INPPL1: variants seen among roughly 807,000 people sequenced by gnomAD.
The protein encoded by INPPL1 is inositol polyphosphate phosphatase like 1, also known as phosphatidylinositol 3,4,5-trisphosphate 5-phosphatase 2.
INPPL1 carries 91 observed loss-of-function variants against 139.3 expected under a neutral mutation model. The observed-to-expected ratio is 0.65, with a 90% CI of 0.55 to 0.78. The LOEUF (loss-of-function observed/expected upper bound fraction) is 0.78. Among genes scored for constraint, INPPL1 ranks in the 30% least tolerant of loss-of-function variants. The probability of loss-of-function intolerance (pLI) is 0.00; values close to 1 mark genes in which losing one functional copy is unlikely to be tolerated. For synonymous variants in INPPL1, 719 were observed against 686.6 expected (o/e 1.05, Z -0.74); for missense variants, 1,411 against 1,665.6 (o/e 0.85, Z 2.66).
Position 72,235,596 on chromosome 11 carries a change from A to G in INPPL1, c.2660-79A>G. ...GTCCTGCCCCAAGGCATAGCTGGGAAAGGGCTGGCAGGCCCACTGGGTGTC... is the reference window on the plus strand; with the variant it reads ...GTCCTGCCCCAAGGCATAGCTGGGAGAGGGCTGGCAGGCCCACTGGGTGTC... On this transcript the variant is annotated intron_variant, in intron 23 of 27. Transcript: ENST00000298229. The surrounding 1 kb of genome is among the most constrained non-coding windows in gnomAD (Gnocchi z 4.9). 11 of 1,583,908 alleles carry G rather than the reference A, an allele frequency of 6.9e-6. No individual in the cohort carries two copies. Among genetic ancestry groups the G allele is most frequent in the Non-Finnish European group, 9.5e-6 (11 of 1,158,330 alleles).
chr11:72,231,242 C>T, intron 12 of INPPL1, 53 bp downstream of exon 12: 1 of 1,530,488 alleles, frequency 6.5e-7, no homozygotes, highest in Non-Finnish European at 8.9e-7. Context: ...CACCTCCAAA[C>T]TAGCCTACTT....
Position 72,225,143 on chromosome 11 carries a change from G to C in INPPL1, c.159G>C (p.Ala53=). The part of the protein sequence containing the change: ...SFLVRDSESV[A]GAFALCVLYQ... ...TGGTCCGAGACAGCGAGAGCGTGGC[G>C]GGGGCCTTCGCGCTCTGCGTCCTGT... The change falls in exon 1 of 28, where the codon GCG becomes GCC. Residue 53 remains alanine (A), a synonymous_variant. Coordinates refer to ENST00000298229, the MANE Select transcript of INPPL1 (RefSeq NM_001567.4). 8.1e-7 allele frequency: 1 copy of C among 1,231,420 alleles called. No individual in the cohort carries two copies. The highest frequency in any genetic ancestry group is 3.1e-5 in the East Asian group (1 of 31,774). 76.3% of individuals were successfully genotyped at this position (1,231,420 alleles called of 1,614,324 possible).
In INPPL1 at chr11:72,235,808, C is replaced by G; in HGVS notation, c.2739-38C>G. 13 of 1,613,234 alleles carry G rather than the reference C, an allele frequency of 8.1e-6. No homozygotes were observed. Among genetic ancestry groups the G allele is most frequent in the Non-Finnish European group, 1.1e-5 (13 of 1,179,594 alleles). On this transcript the variant is annotated intron_variant, in intron 24 of 27. Coordinates refer to ENST00000298229, the MANE Select transcript of INPPL1 (RefSeq NM_001567.4). The surrounding 1 kb of genome is among the most constrained non-coding windows in gnomAD (Gnocchi z 4.9). Reference sequence around the variant, plus strand: ...GAAAGGGTACCTGGGGGCATCTGGTCAACCCCACTTCATCTCTCTCCTGTG... The same window carrying G: ...GAAAGGGTACCTGGGGGCATCTGGTGAACCCCACTTCATCTCTCTCCTGTG...
At chr11:72,227,990 T>TCATTAAAAAA in intron 1 of INPPL1, 200 bp from the exon 2 acceptor site, 3 of 502,752 alleles carry the variant, frequency 6.0e-6, no homozygotes, top group African/African-American at 2.1e-5. Context: ...GGTGTTCTGG[T>TCATTAAAAAA]CATTCCTGCC....
Position 72,232,656 on chromosome 11 carries a change from G to A in INPPL1, c.1743G>A (p.Arg581=). The change falls in exon 15 of 28, where the codon CGG becomes CGA. Residue 581 remains arginine (R), a synonymous_variant. Coordinates refer to ENST00000298229, the MANE Select transcript of INPPL1 (RefSeq NM_001567.4). The part of the protein sequence containing the change: ...RRNQNYLDIL[R]LLSLGDRQLN... ...ACCAAAACTACTTGGACATCCTGCG[G>A]CTGCTCTCGCTGGGCGACCGGCAGC... is the stretch of plus-strand genomic sequence containing the variant. The A allele has an allele frequency of 6.2e-7, 1 of 1,613,862 alleles. No individual in the cohort carries two copies. The highest frequency in any genetic ancestry group is 8.5e-7 in the Non-Finnish European group (1 of 1,179,986).
Position 72,225,031 on chromosome 11 carries a change from GCCAGGCC to G in INPPL1, c.50_56del (p.Gln17ProfsTer8). 8.2e-7 allele frequency: 1 copy of G among 1,224,878 alleles called. No individual in the cohort carries two copies. The highest frequency in any genetic ancestry group is 4.1e-5 in the South Asian group (1 of 24,500). 75.9% of individuals were successfully genotyped at this position (1,224,878 alleles called of 1,614,324 possible). ...CCGGGCCCGGGGGGCGCCCTGGGCA[GCCAGGCC>G]CCCTCCTGGTACCACCGCGACCTGA... On this transcript the variant is annotated frameshift_variant, in exon 1 of 28. Transcript: ENST00000298229. LOFTEE classifies it high-confidence loss of function.
In INPPL1 at chr11:72,237,105, G is replaced by A. The variant is rs201534395; in HGVS notation, c.2880-19G>A. The A allele has an allele frequency of 2.2e-5, 35 of 1,556,062 alleles. No homozygotes were observed. The South Asian group carries it at 2.3e-4, about 10-fold the overall frequency. On this transcript the variant is annotated intron_variant, in intron 25 of 27. Coordinates refer to ENST00000298229, the MANE Select transcript of INPPL1 (RefSeq NM_001567.4). The stretch of plus-strand genomic sequence containing the variant: ...TGGGTTCCTGGATCCTGGCTTAGTC[G>A]TTCTGCTTCCACACCCAGGTTGAAG...
rs1948801079 is a variant in INPPL1 at position 72,230,453 on chromosome 11, C to T, written c.1182C>T (p.Ile394=). 2.5e-6 allele frequency: 4 copies of T among 1,613,754 alleles called. No homozygotes were observed. The highest frequency in any genetic ancestry group is 2.2e-5 in the South Asian group (2 of 91,068). The change falls in exon 10 of 28, where the codon ATC becomes ATT. Residue 394 remains isoleucine, a synonymous_variant. Coordinates refer to ENST00000298229, the MANE Select transcript of INPPL1 (RefSeq NM_001567.4). The part of the protein sequence containing the change: ...EKDRTQRKDF[I]FVSARKREAF... ...ACCGGACTCAGCGCAAGGACTTCATCTTTGTCAGTGCCCGGGTGAGCAGCA... is the reference window on the plus strand; with the variant it reads ...ACCGGACTCAGCGCAAGGACTTCATTTTTGTCAGTGCCCGGGTGAGCAGCA...
At chr11:72,231,716 T>C (rs1948840664) in intron 13 of INPPL1, 101 bp downstream of exon 13, 1 of 818,976 alleles carries the variant, frequency 1.2e-6, no homozygotes, top group Non-Finnish European at 2.1e-6. Flanking sequence ...GTGATCTTAG[T>C]TTCCCCATAT....
chr11:72,231,281 C>A, intron 12 of INPPL1, 92 bp downstream of exon 12: 1 of 1,246,448 alleles, frequency 8.0e-7, no homozygotes, highest in African/African-American at 1.5e-5. Flanking sequence ...GGGAGCACAG[C>A]TTCACTGGCT....
At chr11:72,238,219 G>A (rs1239224993) in intron 27 of INPPL1, 44 bp downstream of exon 27, 2 of 1,613,356 alleles carry the variant, frequency 1.2e-6, no homozygotes, top group Non-Finnish European at 8.5e-7. Flanking sequence ...GGGCCCTCAG[G>A]ATCCCCTTGC....
rs776487134 is a variant in INPPL1 at position 72,229,703 on chromosome 11, T to G, written c.794T>G (p.Val265Gly). 1.5e-5 allele frequency: 24 copies of G among 1,614,080 alleles called. No homozygotes were observed. Among genetic ancestry groups the G allele is most frequent in the East Asian group, 2.2e-5 (1 of 44,872 alleles). ...GGGGAGCAGGAACTAGAGAGCCTGG[T>G]GCTGAAGCTGTCAGTGCTAAAGGAC... is the stretch of plus-strand genomic sequence containing the variant. ...QTGEQELESL[V>G]LKLSVLKDFL... Residue 265 changes from valine to glycine, a missense_variant, in exon 7 of 28, where the codon GTG becomes GGG. Physicochemically the swap from Val to Gly is moderately radical, Grantham distance 109. This residue lies in a region of INPPL1 where 504 missense variants were observed against 595.6 expected (regional missense o/e 0.85). Coordinates refer to ENST00000298229, the MANE Select transcript of INPPL1 (RefSeq NM_001567.4).
In INPPL1 at chr11:72,237,487, T is replaced by C; in HGVS notation, c.3243T>C (p.Gly1081=). Residue 1081 remains glycine (G), a synonymous_variant, in exon 26 of 28, where the codon GGT becomes GGC. Coordinates refer to ENST00000298229, the MANE Select transcript of INPPL1 (RefSeq NM_001567.4). ...CAGGGCCAGTGGTCCGGGGCCGTGG[T>C]GGGGCTGAGGCCCGTGGCCCACCAC... ...PLPGPVVRGR[G]GAEARGPPPP... The C allele has an allele frequency of 6.2e-7, 1 of 1,609,940 alleles. No homozygotes were observed.
At position 72,230,499 on chromosome 11, in the gene INPPL1, G is replaced by T. The variant is rs752804876; in HGVS notation, c.1197+31G>T. On this transcript the variant is annotated intron_variant, in intron 10 of 27. Coordinates refer to ENST00000298229, the MANE Select transcript of INPPL1 (RefSeq NM_001567.4). Reference sequence around the variant, plus strand: ...CAGCAGGCTGGGCCAGGCCACTGGGGACTGCGGGGGTCCCCCACATGGGTG... The same window carrying T: ...CAGCAGGCTGGGCCAGGCCACTGGGTACTGCGGGGGTCCCCCACATGGGTG... The T allele has an allele frequency of 3.8e-6, 6 of 1,597,332 alleles. No individual in the cohort carries two copies. The Admixed American group carries it at 6.7e-5, about 18-fold the overall frequency.
intron 1 of INPPL1, among the ~76,000 whole-genome samples, chr11:72,226,161 C>T (rs932226259): frequency 6.6e-6 from 1 of 151,412 alleles, no homozygotes; most frequent in Non-Finnish European, 1.5e-5. Context: ...GCACATTAGC[C>T]TAGACCAGGG....
rs1591270674 is a variant in INPPL1 at position 72,228,071 on chromosome 11, T to G, written c.183-119T>G. ...AACCCTGTGCAGCCTGGGCAGGTGGTTTTAGGGAAACCAAGCTGAGGGGGT... is the reference window on the plus strand; with the variant it reads ...AACCCTGTGCAGCCTGGGCAGGTGGGTTTAGGGAAACCAAGCTGAGGGGGT... On this transcript the variant is annotated intron_variant, in intron 1 of 27. Transcript: ENST00000298229. The surrounding 1 kb of genome is among the most constrained non-coding windows in gnomAD (Gnocchi z 5.0). 1 of 1,011,274 alleles carries G rather than the reference T, an allele frequency of 9.9e-7. No individual in the cohort carries two copies. The highest frequency in any genetic ancestry group is 1.5e-6 in the Non-Finnish European group (1 of 648,202). 62.6% of individuals were successfully genotyped at this position (1,011,274 alleles called of 1,614,324 possible).
intron 25 of INPPL1, among the ~76,000 whole-genome samples, chr11:72,236,276 T>G (rs1948988622): frequency 6.6e-6 from 1 of 152,244 alleles, no homozygotes; most frequent in Non-Finnish European, 1.5e-5. Flanking sequence ...AGCTTGAGCC[T>G]TCTATTTGGA....
Position 72,238,441 on chromosome 11 carries a change from G to A in INPPL1, c.*88G>A, listed in dbSNP as rs1211365624. ...GCCCCAGGGTTGAAAAGTTATGAGG[G>A]TCAGGGCAGTATCTCTCTGCCTATT... On this transcript the variant is annotated 3_prime_UTR_variant, in exon 28 of 28. Transcript: ENST00000298229. 9.1e-7 allele frequency: 1 copy of A among 1,102,888 alleles called. No homozygotes were observed. The highest frequency in any genetic ancestry group is 1.3e-6 in the Non-Finnish European group (1 of 787,308). The allele number at this position is 1,102,888 out of a possible 1,614,324, so 68.3% of individuals were successfully genotyped here.
At chr11:72,226,058 T>A (rs958894045) in intron 1 of INPPL1, among the ~76,000 whole-genome samples, 4 of 152,182 alleles carry the variant, frequency 2.6e-5, no homozygotes, top group African/African-American at 9.7e-5. Context: ...GATCTTTATT[T>A]AGATCTTTCT....
Sources: gnomAD v4.1 joint callset for allele counts (sites outside exome capture counted in the v4.1 genomes callset) on GRCh38, gnomAD v4.1.1 for gene constraint, gnomAD v4.1.1 regional missense constraint, Gnocchi (gnomAD v3.1) non-coding constraint, MANE v1.5 for transcripts, NCBI Gene and HGNC (gene_info 2026-07-23, HGNC 2026-07-21) for gene names.